FHOD3: variants seen among roughly 807,000 people sequenced by gnomAD.
The protein encoded by FHOD3 is FH1/FH2 domain-containing protein 3.
In FHOD3, 90 loss-of-function variants were observed where a neutral mutation model predicts 173.0. The ratio of observed to expected loss-of-function variants is 0.52; its 90% CI spans 0.44 to 0.62. FHOD3 has a LOEUF of 0.62. Among genes scored for constraint, FHOD3 ranks in the 20% least tolerant of loss-of-function variants. The pLI, the probability that FHOD3 is intolerant of heterozygous loss-of-function variation, is 0.00. For missense variants in FHOD3, 1,945 were observed against 2,034.7 expected, an observed-to-expected ratio of 0.96 and a Z score of 0.85; for synonymous variants, 828 against 823.0, an observed-to-expected ratio of 1.01 and a Z score of -0.10.
chr18:36,760,824 T>C (rs1318977352), intron 27 of FHOD3, 42 bp downstream of exon 27: 3 of 1,552,822 alleles, frequency 1.9e-6, no homozygotes, highest in Non-Finnish European at 2.6e-6. Flanking sequence ...CTTCTCAGGT[T>C]GGCCGCTCTG....
chr18:36,450,342 G>A (rs1430949751), intron 3 of FHOD3, among the ~76,000 whole-genome samples: 4 of 152,178 alleles, frequency 2.6e-5, no homozygotes, highest in Non-Finnish European at 4.4e-5. Flanking sequence ...AGAAGACTAG[G>A]GCTGCATGCA....
intron 9 of FHOD3, among the ~76,000 whole-genome samples, chr18:36,621,569 C>T (rs1338717298): frequency 6.6e-6 from 1 of 152,180 alleles, no homozygotes; most frequent in African/African-American, 2.4e-5. Flanking sequence ...GCCTAGCCCA[C>T]ATGTCTTCCC....
chr18:36,375,013 C>A (rs553418592), intron 3 of FHOD3, among the ~76,000 whole-genome samples: 1 of 152,224 alleles, frequency 6.6e-6, no homozygotes, highest in Admixed American at 6.5e-5. Flanking sequence ...TTTTAAAATT[C>A]CATTTCCTAC....
chr18:36,760,388 G>A (rs2042817755), intron 26 of FHOD3, among the ~76,000 whole-genome samples: 1 of 152,218 alleles, frequency 6.6e-6, no homozygotes. Flanking sequence ...TGAATGGGTG[G>A]TGGTCCTTCT....
intron 3 of FHOD3, among the ~76,000 whole-genome samples, chr18:36,434,699 A>T (rs1334662317): frequency 6.6e-6 from 1 of 152,072 alleles, no homozygotes; most frequent in African/African-American, 2.4e-5. Context: ...TCAGGTGTGT[A>T]TCTTCATTTA....
rs577668561 is a variant in FHOD3, at chr18:36,504,620, C to T, written c.405+2621C>T. 3.7e-3 allele frequency among the ~76,000 whole-genome samples: 564 copies of T among 151,938 alleles called. 7 individuals carry two copies. The highest frequency in any genetic ancestry group is 0.013 in the African/African-American group (534 of 41,398). On this transcript the variant is annotated intron_variant, in intron 4 of 28. Transcript: ENST00000590592. ...GGTGGGGGCAGGGGGGAGGGGATAG[C>T]ATTAGGAGATATACCTAATGCTAAA...
At chr18:36,763,201 C>T (rs947525781) in intron 27 of FHOD3, among the ~76,000 whole-genome samples, 4 of 142,760 alleles carry the variant, frequency 2.8e-5, no homozygotes, top group Admixed American at 2.2e-4. Flanking sequence ...GTATTATATA[C>T]GTTATATATG....
At chr18:36,642,937 T>C (rs1038510242) in intron 10 of FHOD3, among the ~76,000 whole-genome samples, 1 of 152,142 alleles carries the variant, frequency 6.6e-6, no homozygotes, top group Non-Finnish European at 1.5e-5. Context: ...GGACGTATTT[T>C]TTAAAGTATT....
intron 13 of FHOD3, among the ~76,000 whole-genome samples, chr18:36,655,608 A>G (rs982645154): frequency 1.3e-5 from 2 of 152,192 alleles, no homozygotes; most frequent in Admixed American, 6.5e-5. Flanking sequence ...TATTGTTCCT[A>G]TTGATTTTTC....
At chr18:36,683,144 A>G (rs2038367206) in intron 15 of FHOD3, among the ~76,000 whole-genome samples, 1 of 152,204 alleles carries the variant, frequency 6.6e-6, no homozygotes, top group Non-Finnish European at 1.5e-5. Flanking sequence ...CCAGCTCTGT[A>G]TGCACCATTT....
intron 3 of FHOD3, among the ~76,000 whole-genome samples, chr18:36,429,343 A>T (rs909765399): frequency 6.6e-6 from 1 of 152,212 alleles, no homozygotes; most frequent in African/African-American, 2.4e-5. Context: ...AGAAGTGAAG[A>T]ACTAAGTAGA....
chr18:36,542,380 A>G (rs1162495364), intron 5 of FHOD3, among the ~76,000 whole-genome samples: 1 of 152,170 alleles, frequency 6.6e-6, no homozygotes, highest in Non-Finnish European at 1.5e-5. Context: ...TTAAAAAATT[A>G]CCATTAATTT....
At position 36,596,321 on chromosome 18, in the gene FHOD3, ATTTTTTTTTTTTTTTTTT is replaced by A. The variant is rs539907617; in HGVS notation, c.718+1440_718+1457del. Among the ~76,000 whole-genome samples the A allele has an allele frequency of 5.1e-3, 291 of 57,512 alleles. 1 individual carries two copies. Among genetic ancestry groups the A allele is most frequent in the African/African-American group, 0.021 (269 of 12,958 alleles). The allele number at this position is 57,512 out of a possible 152,430, so 37.7% of individuals were successfully genotyped here. The stretch of plus-strand genomic sequence containing the variant: ...AGGTGCCCACCACCATGCCCAGCTA[ATTTTTTTTTTTTTTTTTT>A]TTTTTTTTTTTTTTTTAGTATTTTT... On this transcript the variant is annotated intron_variant, in intron 7 of 28. Coordinates refer to ENST00000590592, the MANE Select transcript of FHOD3 (RefSeq NM_001281740.3).
chr18:36,511,651 C>G (rs946676129), intron 4 of FHOD3, among the ~76,000 whole-genome samples: 1 of 152,124 alleles, frequency 6.6e-6, no homozygotes, highest in African/African-American at 2.4e-5. Context: ...GAAACAGGGC[C>G]TCCCGCTAGA....
chr18:36,440,780 G>T (rs2051099317), intron 3 of FHOD3, among the ~76,000 whole-genome samples: 1 of 152,168 alleles, frequency 6.6e-6, no homozygotes, highest in Non-Finnish European at 1.5e-5. Flanking sequence ...TTTTTAAATG[G>T]CTCAGTAGTC....
chr18:36,600,534 G>A (rs1192653141), intron 7 of FHOD3, among the ~76,000 whole-genome samples: 1 of 152,214 alleles, frequency 6.6e-6, no homozygotes, highest in Non-Finnish European at 1.5e-5. Flanking sequence ...CATCCTAAGA[G>A]TGTACAAATA....
intron 8 of FHOD3, among the ~76,000 whole-genome samples, 198 bp from the exon 9 acceptor site, chr18:36,611,754 C>T (rs867780938): frequency 1.3e-5 from 2 of 152,338 alleles, no homozygotes; most frequent in Middle Eastern, 3.4e-3. Flanking sequence ...AGCACTTGTA[C>T]ACCAGAGGGG....
At chr18:36,513,025 C>T (rs1047668408) in intron 5 of FHOD3, among the ~76,000 whole-genome samples, 12 of 152,076 alleles carry the variant, frequency 7.9e-5, no homozygotes, top group African/African-American at 1.9e-4. Flanking sequence ...TGAGCGGGTC[C>T]GGGATTTGCC....
In FHOD3 at chr18:36,664,094, A is replaced by T. The variant is rs1044268405; in HGVS notation, c.1835+5906A>T. Among the ~76,000 whole-genome samples, 3 of 152,066 alleles carry T rather than the reference A, an allele frequency of 2.0e-5. No individual in the cohort carries two copies. The East Asian group carries it at 5.8e-4, about 29-fold the overall frequency. On this transcript the variant is annotated intron_variant, in intron 14 of 28. Transcript: ENST00000590592. ...TGGTCAACCCAATACTTAAAAAAAAATTGTCAGTGGAATTGAGAGCCACAT... is the reference window on the plus strand; with the variant it reads ...TGGTCAACCCAATACTTAAAAAAAATTTGTCAGTGGAATTGAGAGCCACAT...
Sources: gnomAD v4.1 joint callset for allele counts (sites outside exome capture counted in the v4.1 genomes callset) on GRCh38, gnomAD v4.1.1 for gene constraint, MANE v1.5 for transcripts, NCBI Gene and HGNC (gene_info 2026-07-23, HGNC 2026-07-21) for gene names.